The following LOXL2 variants were observed in gnomAD, a reference collection of about 807,000 sequenced individuals.
LOXL2 encodes the protein lysyl oxidase like 2.
A neutral mutation model predicts 93.0 loss-of-function variants in LOXL2; 70 were observed. The ratio of observed to expected loss-of-function variants is 0.75; its 90% CI spans 0.62 to 0.92. The LOEUF is 0.92. Ranked by LOEUF, LOXL2 falls within the 40% of genes least tolerant of loss-of-function variation. LOXL2 has a pLI of 0.00. For missense variants in LOXL2, 973 were observed against 1,054.9 expected, an observed-to-expected ratio of 0.92 and a Z score of 1.08; for synonymous variants, 438 against 413.2, an observed-to-expected ratio of 1.06 and a Z score of -0.73.
Position 23,309,693 on chromosome 8 carries a change from C to A in LOXL2, c.1855G>T (p.Ala619Ser). 1 of 1,530,448 alleles carries A rather than the reference C, an allele frequency of 6.5e-7. No homozygotes were observed. The highest frequency in any genetic ancestry group is 2.5e-5 in the East Asian group (1 of 40,306). 94.8% of individuals were successfully genotyped at this position (1,530,448 alleles called of 1,614,324 possible). ...SDFRPKNGRH[A>S]WIWHDCHRHY... ...CTGTGACAGTCGTGCCAGATCCACG[C>A]GTGGCGGCCGTTCTTGGGCCGGAAG... Residue 619 changes from alanine to serine, a missense_variant, in exon 10 of 14, where the codon GCG (alanine) becomes TCG (serine). Coordinates refer to ENST00000389131, the MANE Select transcript of LOXL2 (RefSeq NM_002318.3).
chr8:23,349,033 A>G (rs1804045024), intron 3 of LOXL2, among the ~76,000 whole-genome samples: 2 of 152,000 alleles, frequency 1.3e-5, no homozygotes, highest in Non-Finnish European at 2.9e-5. Context: ...TCATTGAGGG[A>G]TGCTCCTGCC....
intron 6 of LOXL2, among the ~76,000 whole-genome samples, chr8:23,325,375 T>C (rs1803562602): frequency 6.6e-6 from 1 of 152,190 alleles, no homozygotes; most frequent in South Asian, 2.1e-4. Flanking sequence ...CACTGCAGCC[T>C]ACCTCGAGGG....
intron 3 of LOXL2, among the ~76,000 whole-genome samples, chr8:23,344,250 C>T (rs1221697983): frequency 2.6e-5 from 4 of 152,200 alleles, no homozygotes; most frequent in African/African-American, 9.7e-5. Flanking sequence ...GGGGGCTCCA[C>T]GATGAAGGCA....
chr8:23,362,702 C>A (rs142329059), intron 2 of LOXL2, among the ~76,000 whole-genome samples: 38 of 152,190 alleles, frequency 2.5e-4, no homozygotes, highest in Non-Finnish European at 4.7e-4. Context: ...CCATTGCATT[C>A]CAGCCTGGGT....
At chr8:23,349,952 A>G (rs1166807707) in intron 3 of LOXL2, among the ~76,000 whole-genome samples, 1 of 152,126 alleles carries the variant, frequency 6.6e-6, no homozygotes, top group African/African-American at 2.4e-5. Flanking sequence ...TTCTTTGTTT[A>G]ATGCAAAATA....
At chr8:23,384,494 A>C (rs1185249159) in intron 1 of LOXL2, among the ~76,000 whole-genome samples, 1 of 152,134 alleles carries the variant, frequency 6.6e-6, no homozygotes, top group Admixed American at 6.5e-5. Context: ...CTAGAAGTCC[A>C]CTCAGCTTAC....
chr8:23,388,480 A>G (rs1804795894), intron 1 of LOXL2, among the ~76,000 whole-genome samples: 1 of 152,010 alleles, frequency 6.6e-6, no homozygotes, highest in Non-Finnish European at 1.5e-5. Flanking sequence ...GCTACTTGGG[A>G]GGCTGAGGCA....
intron 10 of LOXL2, among the ~76,000 whole-genome samples, chr8:23,304,235 G>A (rs60915619): frequency 0.046 from 6,987 of 152,316 alleles, 522 homozygotes; most frequent in African/African-American, 0.16. Context: ...ACATAACGAG[G>A]CTCCCTCTCT....
At chr8:23,319,574 C>G (rs1029200361) in intron 8 of LOXL2, among the ~76,000 whole-genome samples, 1 of 152,100 alleles carries the variant, frequency 6.6e-6, no homozygotes, top group Admixed American at 6.5e-5. Flanking sequence ...TCAGGAACCC[C>G]CAGGATCAGT....
chr8:23,374,291 A>C (rs2117219499), intron 1 of LOXL2, among the ~76,000 whole-genome samples: 1 of 152,210 alleles, frequency 6.6e-6, no homozygotes, highest in African/African-American at 2.4e-5. Flanking sequence ...ATCCTTTTTT[A>C]TGGCTGCATA....
chr8:23,383,850 CG>C (rs1349952923), intron 1 of LOXL2, among the ~76,000 whole-genome samples: 1 of 151,542 alleles, frequency 6.6e-6, no homozygotes, highest in African/African-American at 2.4e-5. Flanking sequence ...TTAGTAGAGA[CG>C]GGGTTTCACC....
chr8:23,384,770 C>T (rs535031145), intron 1 of LOXL2, among the ~76,000 whole-genome samples: 5 of 152,124 alleles, frequency 3.3e-5, no homozygotes, highest in South Asian at 2.1e-4. Flanking sequence ...AAAAATTAGC[C>T]GGGCATGGTG....
chr8:23,385,768 A>G, intron 1 of LOXL2: 1 of 586,028 alleles, frequency 1.7e-6, no homozygotes, highest in East Asian at 2.8e-5. Flanking sequence ...CAAAAGTAGA[A>G]TAAAATAGAT....
At chr8:23,361,669 C>T (rs531189845) in intron 2 of LOXL2, among the ~76,000 whole-genome samples, 10 of 152,104 alleles carry the variant, frequency 6.6e-5, no homozygotes, top group African/African-American at 1.9e-4. Flanking sequence ...GGTGAAACCC[C>T]GTCTCTACTA....
chr8:23,378,091 C>T (rs556344375), intron 1 of LOXL2, among the ~76,000 whole-genome samples: 1 of 152,276 alleles, frequency 6.6e-6, no homozygotes, highest in African/African-American at 2.4e-5. Context: ...TTGTTCCTTT[C>T]CATGTTTAGT....
At chr8:23,310,002 C>T in intron 9 of LOXL2, 91 bp from the exon 10 acceptor site, 1 of 1,339,220 alleles carries the variant, frequency 7.5e-7, no homozygotes, top group East Asian at 2.8e-5. Flanking sequence ...ACCCCCTCTC[C>T]TGCCTACCGC....
rs746818805 is a variant in LOXL2, at chr8:23,302,136, T to C, written c.2024A>G (p.Asn675Ser). ...CATGGTGATGCCCTGATCGCCGAAG[T>C]TGGCACACTCGTAATTCTTCTGGAT... ...GDIQKNYECA[N>S]FGDQGITMGC... is the part of the protein sequence containing the mutation. Residue 675 changes from asparagine to serine, a missense_variant, in exon 12 of 14, where the codon AAC becomes AGC. Asn to Ser is a conservative substitution (Grantham distance 46). Transcript: ENST00000389131. 12 of 1,614,022 alleles carry C rather than the reference T, an allele frequency of 7.4e-6. No homozygotes were observed. The highest frequency in any genetic ancestry group is 1.0e-5 in the Non-Finnish European group (12 of 1,180,008).
chr8:23,300,901 G>A (rs1382886129), intron 12 of LOXL2, among the ~76,000 whole-genome samples: 5 of 152,148 alleles, frequency 3.3e-5, no homozygotes, highest in African/African-American at 1.2e-4. Context: ...ACATGGCCAC[G>A]GCTATTCATC....
rs138377691 is a variant in LOXL2, at chr8:23,308,536, C to T, written c.1880+1132G>A. ...GTAGAGGCCTGTCTCCCTTCCTTTCCAAGGGTGTGCCTGCTTCTCTTCCCT... is the reference window on the plus strand; with the variant it reads ...GTAGAGGCCTGTCTCCCTTCCTTTCTAAGGGTGTGCCTGCTTCTCTTCCCT... On this transcript the variant is annotated intron_variant, in intron 10 of 13. Coordinates refer to ENST00000389131, the MANE Select transcript of LOXL2 (RefSeq NM_002318.3). 2.0e-4 allele frequency among the ~76,000 whole-genome samples: 31 copies of T among 152,300 alleles called. No individual in the cohort carries two copies. The East Asian group carries it at 5.2e-3, about 26-fold the overall frequency.
Sources: allele counts gnomAD v4.1 joint callset (sites outside exome capture counted in the v4.1 genomes callset), GRCh38; gene constraint gnomAD v4.1.1; transcripts MANE v1.5; gene names NCBI Gene and HGNC (gene_info 2026-07-23, HGNC 2026-07-21).